The following NINJ2 variants were observed in gnomAD, a reference collection of about 807,000 sequenced individuals.
The protein encoded by NINJ2 is ninjurin 2, also known as ninjurin-2.
A neutral mutation model predicts 11.7 loss-of-function variants in NINJ2; 12 were observed. The observed-to-expected ratio is 1.02, with a 90% CI of 0.66 to 1.66. NINJ2 has a LOEUF of 1.66. Among genes scored for constraint, NINJ2 ranks in the 40% most tolerant of loss-of-function variants. The pLI, the probability that NINJ2 is intolerant of heterozygous loss-of-function variation, is 0.00. For missense variants in NINJ2, 187 were observed against 181.8 expected (o/e 1.03, Z -0.16); for synonymous variants, 93 against 76.8 (o/e 1.21, Z -1.10).
At chr12:609,036 G>A (rs2535400) in intron 1 of NINJ2, among the ~76,000 whole-genome samples, 31,956 of 146,634 alleles carry the variant, frequency 0.22, 3,648 homozygotes, top group African/African-American at 0.28. Flanking sequence ...CTGTACGCAC[G>A]CACGGCGCCA....
intron 1 of NINJ2, among the ~76,000 whole-genome samples, chr12:654,456 G>A (rs1236248075): frequency 6.6e-6 from 1 of 151,358 alleles, no homozygotes. Context: ...GGGAGGCAGA[G>A]GTTGCGGTGA....
At position 565,241 on chromosome 12, in the gene NINJ2, A is replaced by C; in HGVS notation, c.423T>G (p.Pro141=). The change falls in exon 3 of 4, where the codon CCT becomes CCG. Residue 141 remains proline (P), a synonymous_variant. Coordinates refer to ENST00000305108, the MANE Select transcript of NINJ2 (RefSeq NM_016533.6). ...GFLAARASRN[P]L The stretch of plus-strand genomic sequence containing the variant: ...CCTGGGTCCCAGGCTGCATTCAGAG[A>C]GGATTCCTTGAGGCCCTGGCAGCCA... 6.2e-7 allele frequency: 1 copy of C among 1,613,518 alleles called. No homozygotes were observed. The highest frequency in any genetic ancestry group is 1.1e-5 in the South Asian group (1 of 91,022).
In NINJ2 at chr12:633,432, G is replaced by A. The variant is rs1463119209; in HGVS notation, c.33+29896C>T. On this transcript the variant is annotated intron_variant, in intron 1 of 3. Transcript: ENST00000305108. This position sits in a 1 kb window ranked among gnomAD's most constrained non-coding sequence, Gnocchi z 4.3. ...CGAATCACTGGTTCCACCAGGAGGT[G>A]GACGCTGCAGTGAGCCGAGATGGTG... is the stretch of plus-strand genomic sequence containing the variant. 6.6e-6 allele frequency among the ~76,000 whole-genome samples: 1 copy of A among 152,074 alleles called. No homozygotes were observed. The highest frequency in any genetic ancestry group is 1.9e-4 in the East Asian group (1 of 5,162).
intron 1 of NINJ2, among the ~76,000 whole-genome samples, chr12:636,137 G>A (rs1948349651): frequency 6.6e-6 from 1 of 152,158 alleles, no homozygotes; most frequent in Non-Finnish European, 1.5e-5. Context: ...AGCACTTTGG[G>A]AGGCCGAGGC....
At position 574,539 on chromosome 12, in the gene NINJ2, TA is replaced by T. The variant is rs11442110; in HGVS notation, c.34-8362del. ...GCAGTGGGTCAGGTTATCTCAGGAT[TA>T]AAAAAAAAAAAAAGGTGAGCTTGGC... On this transcript the variant is annotated intron_variant, in intron 1 of 3. Coordinates refer to ENST00000305108, the MANE Select transcript of NINJ2 (RefSeq NM_016533.6). Among the ~76,000 whole-genome samples the T allele has an allele frequency of 2.7e-3, 388 of 143,260 alleles. 1 individual carries two copies. Among genetic ancestry groups the T allele is most frequent in the African/African-American group, 4.0e-3 (155 of 38,794 alleles). The allele number at this position is 143,260 out of a possible 152,430, so 94.0% of individuals were successfully genotyped here. A position where few individuals can be genotyped will look rare whatever the true frequency, so the allele number is the denominator to read the frequency against.
chr12:597,699 T>G (rs1209224149), intron 1 of NINJ2, among the ~76,000 whole-genome samples: 1 of 152,184 alleles, frequency 6.6e-6, no homozygotes, highest in African/African-American at 2.4e-5. Context: ...CAAGAACATT[T>G]CATGGAGGAG....
At chr12:593,643 A>T (rs951555835) in intron 1 of NINJ2, among the ~76,000 whole-genome samples, 19 of 152,022 alleles carry the variant, frequency 1.2e-4, no homozygotes, top group Admixed American at 6.6e-4. Context: ...TGAGCCCAGG[A>T]GGTTGAGGCT....
At position 610,689 on chromosome 12, in the gene NINJ2, T is replaced by C. The variant is rs568391769; in HGVS notation, c.34-44511A>G. ...TCAACTCAACCTTGTTTAGCAGAAC[T>C]GGGCTATGACAAGGACAACCACAGC... On this transcript the variant is annotated intron_variant, in intron 1 of 3. Coordinates refer to ENST00000305108, the MANE Select transcript of NINJ2 (RefSeq NM_016533.6). 9.0e-6 allele frequency: 8 copies of C among 893,658 alleles called. 1 individual carries two copies. The South Asian group carries it at 3.6e-4, about 40-fold the overall frequency. 55.4% of individuals were successfully genotyped at this position (893,658 alleles called of 1,614,324 possible). A position where few individuals can be genotyped will look rare whatever the true frequency, so the allele number is the denominator to read the frequency against.
At position 628,568 on chromosome 12, in the gene NINJ2, C is replaced by A. The variant is rs1456811445; in HGVS notation, c.33+34760G>T. On this transcript the variant is annotated intron_variant, in intron 1 of 3. Transcript: ENST00000305108. This position sits in a 1 kb window ranked among gnomAD's most constrained non-coding sequence, Gnocchi z 4.4. ...GGCAGAGGCATTCGAACCAGAATGA[C>A]TCCATCTTGAATAGGGGCTGGTAAA... 3.3e-5 allele frequency among the ~76,000 whole-genome samples: 5 copies of A among 152,208 alleles called. No individual in the cohort carries two copies. The East Asian group carries it at 9.6e-4, about 29-fold the overall frequency.
Position 660,289 on chromosome 12 carries a change from TAA to T in NINJ2, c.33+3037_33+3038del, listed in dbSNP as rs776762900. Among the ~76,000 whole-genome samples the T allele has an allele frequency of 4.9e-3, 533 of 107,682 alleles. 7 individuals carry two copies. The highest frequency in any genetic ancestry group is 0.016 in the African/African-American group (450 of 28,040). The allele number at this position is 107,682 out of a possible 152,430, so 70.6% of individuals were successfully genotyped here. A position where few individuals can be genotyped will look rare whatever the true frequency, so the allele number is the denominator to read the frequency against. On this transcript the variant is annotated intron_variant, in intron 1 of 3. Coordinates refer to ENST00000305108, the MANE Select transcript of NINJ2 (RefSeq NM_016533.6). Reference sequence around the variant, plus strand: ...TGTGACACAGCAAGATCCTGTCTGTTAAAAAAAAAAAAAAAAAAAAAAGGAAT... The same window carrying T: ...TGTGACACAGCAAGATCCTGTCTGTTAAAAAAAAAAAAAAAAAAAAGGAAT...
chr12:570,240 T>C (rs1947358806), intron 1 of NINJ2, among the ~76,000 whole-genome samples: 1 of 152,228 alleles, frequency 6.6e-6, no homozygotes, highest in Non-Finnish European at 1.5e-5. Context: ...AGTGAGGCCC[T>C]GGCGAAGGTG....
intron 1 of NINJ2, among the ~76,000 whole-genome samples, chr12:649,531 G>GTATATATCTATATATATATATATATA (rs1937755668): frequency 7.8e-6 from 1 of 127,698 alleles, no homozygotes; most frequent in African/African-American, 2.8e-5. Context: ...GTGTATATGT[G>GTATATATCTATATATATATATATATA]TATATATATA....
intron 1 of NINJ2, among the ~76,000 whole-genome samples, chr12:659,318 G>GA (rs1179485298): frequency 6.6e-6 from 1 of 151,898 alleles, no homozygotes; most frequent in African/African-American, 2.4e-5. Flanking sequence ...AGCACAGGTG[G>GA]AAAAAAAGGG....
At chr12:569,966 C>T (rs969017452) in intron 1 of NINJ2, among the ~76,000 whole-genome samples, 1 of 152,146 alleles carries the variant, frequency 6.6e-6, no homozygotes, top group Admixed American at 6.5e-5. Context: ...TTGGGCGCCG[C>T]GGCTGCCGGG....
intron 1 of NINJ2, among the ~76,000 whole-genome samples, chr12:571,420 G>C (rs1947374496): frequency 6.6e-6 from 1 of 151,476 alleles, no homozygotes; most frequent in Admixed American, 6.6e-5. Flanking sequence ...GCAGACGTGG[G>C]TTTGGTGATT....
chr12:659,956 C>T (rs11064121), intron 1 of NINJ2, among the ~76,000 whole-genome samples: 33,567 of 151,896 alleles, frequency 0.22, 3,796 homozygotes, highest in South Asian at 0.27. Flanking sequence ...CAAAAAACTT[C>T]CTGCCACTTA....
chr12:632,965 G>T (rs1437739794), intron 1 of NINJ2, among the ~76,000 whole-genome samples: 5 of 152,166 alleles, frequency 3.3e-5, no homozygotes, highest in Non-Finnish European at 7.4e-5. Context: ...AAGGTTAGTG[G>T]GCCGGGTTGA....
At chr12:570,342 T>C (rs1022199065) in intron 1 of NINJ2, among the ~76,000 whole-genome samples, 7 of 152,342 alleles carry the variant, frequency 4.6e-5, no homozygotes, top group African/African-American at 1.7e-4. Flanking sequence ...AGCCCTGCTC[T>C]GCGGCAGAGG....
chr12:575,181 G>T (rs573028995), intron 1 of NINJ2, among the ~76,000 whole-genome samples: 1 of 152,252 alleles, frequency 6.6e-6, no homozygotes, highest in South Asian at 2.1e-4. Flanking sequence ...TCTCGCCTTC[G>T]AGCCGCCTGC....
Sources: allele counts gnomAD v4.1 joint callset (sites outside exome capture counted in the v4.1 genomes callset), GRCh38; gene constraint gnomAD v4.1.1; non-coding constraint Gnocchi (gnomAD v3.1); transcripts MANE v1.5; gene names NCBI Gene and HGNC (gene_info 2026-07-23, HGNC 2026-07-21).